MARCHF2: variants seen among roughly 807,000 people sequenced by gnomAD.
MARCHF2 encodes the protein E3 ubiquitin-protein ligase MARCHF2.
In MARCHF2, 22 loss-of-function variants were observed where a neutral mutation model predicts 24.0. That is an observed-to-expected ratio of 0.92 (90% CI 0.66 to 1.31). The LOEUF is 1.31. Among genes scored for constraint, MARCHF2 ranks in the 50% most tolerant of loss-of-function variants. The probability of loss-of-function intolerance (pLI) is 0.00; values close to 1 mark genes in which losing one functional copy is unlikely to be tolerated. For missense variants in MARCHF2, 301 were observed against 335.3 expected, an observed-to-expected ratio of 0.90 and a Z score of 0.80; for synonymous variants, 154 against 153.0, an observed-to-expected ratio of 1.01 and a Z score of -0.05.
At position 8,438,455 on chromosome 19, in the gene MARCHF2, A is replaced by G; in HGVS notation, c.650A>G (p.Lys217Arg). ...WRKTNQKVRL[K>R]IREADSPEGP... ...AAGACCAACCAGAAAGTTCGCCTGA[A>G]GATCCGGGAGGCGGACAGCCCCGAG... Residue 217 changes from lysine to arginine, a missense_variant, in exon 5 of 5, where the codon AAG becomes AGG. By Grantham distance (26) the Lys-to-Arg change is conservative (BLOSUM62 2). Coordinates refer to ENST00000215555, the MANE Select transcript of MARCHF2 (RefSeq NM_001005415.2). 1 of 1,614,132 alleles carries G rather than the reference A, an allele frequency of 6.2e-7. No homozygotes were observed. The highest frequency in any genetic ancestry group is 8.5e-7 in the Non-Finnish European group (1 of 1,180,014).
Position 8,426,800 on chromosome 19 carries a change from C to T in MARCHF2, c.368C>T (p.Thr123Ile). ...GTGGAGAAACGGCCTCGACCCCTCA[C>T]AGAGGTACCCTTAAGAGTCTGAGAC... ...FAVEKRPRPL[T>I]EWLKDPGPRT... Residue 123 changes from threonine (T) to isoleucine (I), a missense_variant, in exon 3 of 5, where the codon ACA (threonine) becomes ATA (isoleucine). By Grantham distance (89) the Thr-to-Ile change is moderately conservative. Coordinates refer to ENST00000215555, the MANE Select transcript of MARCHF2 (RefSeq NM_001005415.2). 6.2e-7 allele frequency: 1 copy of T among 1,611,874 alleles called. No homozygotes were observed.
At chr19:8,424,599 C>G (rs962487109) in intron 2 of MARCHF2, among the ~76,000 whole-genome samples, 4 of 151,404 alleles carry the variant, frequency 2.6e-5, no homozygotes, top group Non-Finnish European at 5.9e-5. Context: ...CCTGGGAGGT[C>G]GAGCTTGCAG....
chr19:8,424,494 C>T (rs550208864), intron 2 of MARCHF2, among the ~76,000 whole-genome samples: 1 of 152,056 alleles, frequency 6.6e-6, no homozygotes, highest in African/African-American at 2.4e-5. Context: ...GGTGAAACCC[C>T]GTCTCTACAA....
In MARCHF2 at chr19:8,415,397, G is replaced by GA. The variant is rs775473801; in HGVS notation, c.-53+1992dup. Among the ~76,000 whole-genome samples the GA allele has an allele frequency of 4.9e-3, 435 of 88,968 alleles. 3 individuals carry two copies. The highest frequency in any genetic ancestry group is 0.024 in the East Asian group (66 of 2,724). The allele number at this position is 88,968 out of a possible 152,430, so 58.4% of individuals were successfully genotyped here. On this transcript the variant is annotated intron_variant, in intron 1 of 4. Transcript: ENST00000215555. Reference sequence around the variant, plus strand: ...GACAGATTGAGACCCTGCCTCAAAAGAAAAAAAAAAAAAAACAGACAAAAG... The same window carrying GA: ...GACAGATTGAGACCCTGCCTCAAAAGAAAAAAAAAAAAAAAACAGACAAAAG...
intron 4 of MARCHF2, among the ~76,000 whole-genome samples, chr19:8,436,871 A>G (rs1053521590): frequency 3.3e-5 from 5 of 151,134 alleles, no homozygotes; most frequent in African/African-American, 9.7e-5. Flanking sequence ...TGTATTTTTA[A>G]TAGAGATGGG....
intron 4 of MARCHF2, among the ~76,000 whole-genome samples, chr19:8,431,589 C>T (rs1235213756): frequency 6.6e-6 from 1 of 151,078 alleles, no homozygotes; most frequent in Non-Finnish European, 1.5e-5. Flanking sequence ...TTAATCCCAG[C>T]ACTTTGGGAG....
chr19:8,432,342 C>G (rs1967607047), intron 4 of MARCHF2, among the ~76,000 whole-genome samples: 1 of 151,702 alleles, frequency 6.6e-6, no homozygotes. Flanking sequence ...GACGGGGCAA[C>G]AAAGCCAGAT....
chr19:8,425,620 T>C (rs1344512065), intron 2 of MARCHF2, among the ~76,000 whole-genome samples: 3 of 121,332 alleles, frequency 2.5e-5, no homozygotes, highest in African/African-American at 1.3e-4. Flanking sequence ...TCCTTGAGGA[T>C]TTTTTTTTTT....
chr19:8,422,269 C>T (rs1568236606), intron 2 of MARCHF2, among the ~76,000 whole-genome samples: 1 of 152,140 alleles, frequency 6.6e-6, no homozygotes, highest in Non-Finnish European at 1.5e-5. Context: ...AAGTAACACA[C>T]TTTTGGGAGG....
intron 1 of MARCHF2, among the ~76,000 whole-genome samples, chr19:8,421,383 T>C (rs1967235006): frequency 3.1e-5 from 2 of 64,130 alleles, no homozygotes; most frequent in Middle Eastern, 5.2e-3. Context: ...CTTTCTTTTC[T>C]TTTTTTTTTT....
Position 8,430,797 on chromosome 19 carries a change from G to T in MARCHF2, c.512G>T (p.Ser171Ile). 1 of 1,610,964 alleles carries T rather than the reference G, an allele frequency of 6.2e-7. No homozygotes were observed. Residue 171 changes from serine to isoleucine, a missense_variant, in exon 4 of 5, where the codon AGC (serine) becomes ATC (isoleucine). By Grantham distance (142) the Ser-to-Ile change is moderately radical. Transcript: ENST00000215555. The surrounding 1 kb of genome is among the most constrained non-coding windows in gnomAD (Gnocchi z 4.4). The stretch of plus-strand genomic sequence containing the variant: ...GCCCAGGACCACCTCCGGCTCCACA[G>T]CCAGCTGGAGGCCGTGGGTCTCATT... ...RGAQDHLRLH[S>I]QLEAVGLIAL...
intron 4 of MARCHF2, among the ~76,000 whole-genome samples, chr19:8,435,846 G>GTGTA (rs1335544862): frequency 1.3e-5 from 2 of 150,996 alleles, no homozygotes; most frequent in Non-Finnish European, 3.0e-5. Flanking sequence ...GTGTGTGTGT[G>GTGTA]TGTGTGTGTG....
chr19:8,434,081 CTTT>C (rs750325194), intron 4 of MARCHF2, among the ~76,000 whole-genome samples: 9 of 105,960 alleles, frequency 8.5e-5, no homozygotes, highest in Admixed American at 1.2e-4. Context: ...ACCAGCATTT[CTTT>C]TTTTTTTTTT....
chr19:8,437,934 G>C (rs577844926), intron 4 of MARCHF2, among the ~76,000 whole-genome samples: 1 of 151,740 alleles, frequency 6.6e-6, no homozygotes, highest in Non-Finnish European at 1.5e-5. Context: ...TAGTAGAGAC[G>C]GGGTTTTTAG....
At chr19:8,419,005 C>G (rs1568234917) in intron 1 of MARCHF2, among the ~76,000 whole-genome samples, 1 of 152,002 alleles carries the variant, frequency 6.6e-6, no homozygotes, top group African/African-American at 2.4e-5. Context: ...AGATCCTTGG[C>G]TCCAGGGCAC....
At chr19:8,415,751 AAAAAC>A (rs1967070926) in intron 1 of MARCHF2, among the ~76,000 whole-genome samples, 1 of 146,214 alleles carries the variant, frequency 6.8e-6, no homozygotes, top group African/African-American at 2.5e-5. Flanking sequence ...AAACAAAAAA[AAAAAC>A]CAGACAAAAG....
At chr19:8,437,382 C>T (rs1375212414) in intron 4 of MARCHF2, among the ~76,000 whole-genome samples, 3 of 136,348 alleles carry the variant, frequency 2.2e-5, no homozygotes, top group African/African-American at 2.7e-5. Context: ...GACGGAGTCT[C>T]GCTCTGTCGC....
chr19:8,417,630 G>T (rs955467016), intron 1 of MARCHF2, among the ~76,000 whole-genome samples: 1 of 151,920 alleles, frequency 6.6e-6, no homozygotes. Context: ...TAGAGATGGG[G>T]TTTTGCCATG....
chr19:8,426,403 G>T (rs537661877), intron 2 of MARCHF2, among the ~76,000 whole-genome samples: 1 of 152,000 alleles, frequency 6.6e-6, no homozygotes. Context: ...CACTCCACCT[G>T]TGGGAGTCTG....
Sources: gnomAD v4.1 joint callset for allele counts (sites outside exome capture counted in the v4.1 genomes callset) on GRCh38, gnomAD v4.1.1 for gene constraint, Gnocchi (gnomAD v3.1) non-coding constraint, MANE v1.5 for transcripts, NCBI Gene and HGNC (gene_info 2026-07-23, HGNC 2026-07-21) for gene names.